JAKMIP1: variants seen among roughly 807,000 people sequenced by gnomAD.
JAKMIP1 encodes the protein janus kinase and microtubule interacting protein 1, also known as janus kinase and microtubule-interacting protein 1.
JAKMIP1 carries 33 observed loss-of-function variants against 113.0 expected under a neutral mutation model. The ratio of observed to expected loss-of-function variants is 0.29; its 90% CI spans 0.22 to 0.39. The LOEUF (loss-of-function observed/expected upper bound fraction) is 0.39. Ranked by LOEUF, JAKMIP1 falls within the 10% of genes least tolerant of loss-of-function variation. The pLI is 1.00. For synonymous variants in JAKMIP1, 480 were observed against 459.9 expected (o/e 1.04, Z -0.56); for missense variants, 813 against 1,080.5 (o/e 0.75, Z 3.47).
At chr4:6,122,115 C>T (rs1439505416) in intron 1 of JAKMIP1, among the ~76,000 whole-genome samples, 8 of 152,142 alleles carry the variant, frequency 5.3e-5, no homozygotes, top group Admixed American at 1.3e-4. Flanking sequence ...GAGGCCGAGG[C>T]GGGCGGATCT....
rs1285707557 is a variant in JAKMIP1, at chr4:6,194,852, G to A, written c.-148+5401C>T. On this transcript the variant is annotated intron_variant, in intron 1 of 20. Coordinates refer to ENST00000409021, the MANE Select transcript of JAKMIP1 (RefSeq NM_001099433.2). This position sits in a 1 kb window ranked among gnomAD's most constrained non-coding sequence, Gnocchi z 7.4. ...CCAGGCCAGTTGGGAGTTTTAGGAT[G>A]TGCAGTGGGTCCTGAGGATGCTTGC... Among the ~76,000 whole-genome samples, 3 of 152,172 alleles carry A rather than the reference G, an allele frequency of 2.0e-5. No homozygotes were observed. The highest frequency in any genetic ancestry group is 4.4e-5 in the Non-Finnish European group (3 of 68,034).
intron 1 of JAKMIP1, among the ~76,000 whole-genome samples, chr4:6,144,124 A>T (rs1246729745): frequency 6.6e-6 from 1 of 152,256 alleles, no homozygotes. Context: ...TATGTTAAAA[A>T]AAAAGTGCAA....
rs1357081696 is a variant in JAKMIP1 at position 6,187,962 on chromosome 4, C to T, written c.-148+12291G>A. Among the ~76,000 whole-genome samples the T allele has an allele frequency of 6.6e-6, 1 of 152,134 alleles. No individual in the cohort carries two copies. The highest frequency in any genetic ancestry group is 2.4e-5 in the African/African-American group (1 of 41,410). The stretch of plus-strand genomic sequence containing the variant: ...CTTTTGCACTAAATGAATCAGACAC[C>T]GTGTTTGCCATGTAAGTCAGGAGCA... On this transcript the variant is annotated intron_variant, in intron 1 of 20. Coordinates refer to ENST00000409021, the MANE Select transcript of JAKMIP1 (RefSeq NM_001099433.2). This position sits in a 1 kb window ranked among gnomAD's most constrained non-coding sequence, Gnocchi z 4.2.
rs571307844 is a variant in JAKMIP1, at chr4:6,056,537, T to C, written c.1707+160A>G. Among the ~76,000 whole-genome samples the C allele has an allele frequency of 3.3e-5, 5 of 152,346 alleles. No homozygotes were observed. In the East Asian group the frequency reaches 7.7e-4, roughly 24 times the overall value. On this transcript the variant is annotated intron_variant, in intron 12 of 20. Coordinates refer to ENST00000409021, the MANE Select transcript of JAKMIP1 (RefSeq NM_001099433.2). ...AACCACAGATGTGGCTTTGATTCCA[T>C]GTGAGGAAGACATCTCTCCTCATGG...
At chr4:6,127,438 C>T (rs1007073342) in intron 1 of JAKMIP1, among the ~76,000 whole-genome samples, 1 of 152,216 alleles carries the variant, frequency 6.6e-6, no homozygotes, top group Non-Finnish European at 1.5e-5. Flanking sequence ...CAGGGGAAGC[C>T]TGTGCCTGAG....
intron 1 of JAKMIP1, among the ~76,000 whole-genome samples, chr4:6,190,543 C>A (rs1727143889): frequency 6.6e-6 from 1 of 152,198 alleles, no homozygotes; most frequent in South Asian, 2.1e-4. Context: ...CACTCCCCAG[C>A]AATGAGGTGG....
intron 1 of JAKMIP1, among the ~76,000 whole-genome samples, chr4:6,114,880 G>GA (rs936857364): frequency 6.6e-6 from 1 of 152,212 alleles, no homozygotes; most frequent in African/African-American, 2.4e-5. Context: ...GGAAGACACA[G>GA]AAAATACAAC....
intron 2 of JAKMIP1, among the ~76,000 whole-genome samples, chr4:6,107,104 C>T (rs1714082468): frequency 6.6e-6 from 1 of 152,186 alleles, no homozygotes; most frequent in Non-Finnish European, 1.5e-5. Flanking sequence ...AGGAATGAAG[C>T]CAGGCGACCA....
At position 6,031,308 on chromosome 4, in the gene JAKMIP1, T is replaced by G. The variant is rs961666001; in HGVS notation, c.2380-1527A>C. Among the ~76,000 whole-genome samples the G allele has an allele frequency of 2.0e-5, 3 of 151,834 alleles. No individual in the cohort carries two copies. The highest frequency in any genetic ancestry group is 7.3e-5 in the African/African-American group (3 of 41,322). Reference sequence around the variant, plus strand: ...AGCCGGGCTTGGTGGTGCGCTCCTGTAGGGAGGCTGAGACAGGAGAATTGC... The same window carrying G: ...AGCCGGGCTTGGTGGTGCGCTCCTGGAGGGAGGCTGAGACAGGAGAATTGC... On this transcript the variant is annotated intron_variant, in intron 19 of 20. Coordinates refer to ENST00000409021, the MANE Select transcript of JAKMIP1 (RefSeq NM_001099433.2). The surrounding 1 kb of genome is among the most constrained non-coding windows in gnomAD (Gnocchi z 4.4).
rs1717114782 is a variant in JAKMIP1, at chr4:6,060,521, G to C, written c.1561-14C>G. 2 of 1,609,920 alleles carry C rather than the reference G, an allele frequency of 1.2e-6. No homozygotes were observed. Among genetic ancestry groups the C allele is most frequent in the African/African-American group, 1.3e-5 (1 of 74,848 alleles). On this transcript the variant is annotated splice_polypyrimidine_tract_variant and intron_variant, in intron 10 of 20. Transcript: ENST00000409021. ...CTGCTCCCGAGTCTGGAAGGGAAAA[G>C]ACCAGGCAGTGAGCAGGTCACCTCC... is the stretch of plus-strand genomic sequence containing the variant.
rs1726664465 is a variant in JAKMIP1, at chr4:6,186,470, C to CA, written c.-148+13782dup. On this transcript the variant is annotated intron_variant, in intron 1 of 20. Coordinates refer to ENST00000409021, the MANE Select transcript of JAKMIP1 (RefSeq NM_001099433.2). This position sits in a 1 kb window ranked among gnomAD's most constrained non-coding sequence, Gnocchi z 5.5. The stretch of plus-strand genomic sequence containing the variant: ...CAAGAACTGAACATCAGCTACAGGC[C>CA]AGGCATGGCTTGATGCTACTGACTT... 6.6e-6 allele frequency among the ~76,000 whole-genome samples: 1 copy of CA among 152,192 alleles called. No individual in the cohort carries two copies. Among genetic ancestry groups the CA allele is most frequent in the African/African-American group, 2.4e-5 (1 of 41,438 alleles).
intron 1 of JAKMIP1, among the ~76,000 whole-genome samples, chr4:6,159,613 A>G (rs1225938203): frequency 1.3e-5 from 2 of 152,242 alleles, no homozygotes; most frequent in Admixed American, 1.3e-4. Context: ...CCTGGTAACT[A>G]AAGAAACAAG....
rs970562870 is a variant in JAKMIP1, at chr4:6,094,323, A to T, written c.625-8694T>A. On this transcript the variant is annotated intron_variant, in intron 3 of 20. Coordinates refer to ENST00000409021, the MANE Select transcript of JAKMIP1 (RefSeq NM_001099433.2). The surrounding 1 kb of genome is among the most constrained non-coding windows in gnomAD (Gnocchi z 4.2). ...TTTCTGGCAAAAAAAGAAAGAAAAC[A>T]CTCTCCTTTATCTCCCAGCTGCCTG... Among the ~76,000 whole-genome samples the T allele has an allele frequency of 5.9e-5, 9 of 151,854 alleles. No individual in the cohort carries two copies. The highest frequency in any genetic ancestry group is 9.7e-5 in the African/African-American group (4 of 41,314).
rs992159024 is a variant in JAKMIP1, at chr4:6,061,934, G to A, written c.1560+378C>T. Among the ~76,000 whole-genome samples the A allele has an allele frequency of 6.6e-6, 1 of 152,194 alleles. No homozygotes were observed. Among genetic ancestry groups the A allele is most frequent in the African/African-American group, 2.4e-5 (1 of 41,446 alleles). On this transcript the variant is annotated intron_variant, in intron 10 of 20. Coordinates refer to ENST00000409021, the MANE Select transcript of JAKMIP1 (RefSeq NM_001099433.2). This position sits in a 1 kb window ranked among gnomAD's most constrained non-coding sequence, Gnocchi z 5.3. ...GAGCACCCTGAGAGTCCCTGCAAGT[G>A]TTCTGGTGGATGTCCTGGAGGGCGG...
Position 6,108,930 on chromosome 4 carries a change from G to A in JAKMIP1, c.130-2963C>T, listed in dbSNP as rs527469548. Reference sequence around the variant, plus strand: ...CAGGTATGCGTACATACGCAGGTCAGTATACACATATATATTCCTTGTTCT... The same window carrying A: ...CAGGTATGCGTACATACGCAGGTCAATATACACATATATATTCCTTGTTCT... On this transcript the variant is annotated intron_variant, in intron 2 of 20. Coordinates refer to ENST00000409021, the MANE Select transcript of JAKMIP1 (RefSeq NM_001099433.2). This position sits in a 1 kb window ranked among gnomAD's most constrained non-coding sequence, Gnocchi z 5.6. Among the ~76,000 whole-genome samples the A allele has an allele frequency of 6.6e-6, 1 of 152,366 alleles. No individual in the cohort carries two copies. Among genetic ancestry groups the A allele is most frequent in the South Asian group, 2.1e-4 (1 of 4,830 alleles).
chr4:6,128,178 A>G (rs1420388727), intron 1 of JAKMIP1, among the ~76,000 whole-genome samples: 1 of 152,210 alleles, frequency 6.6e-6, no homozygotes, highest in Non-Finnish European at 1.5e-5. Context: ...CCAGACGGAC[A>G]TGGATTCACC....
rs533069624 is a variant in JAKMIP1 at position 6,135,337 on chromosome 4, G to A, written c.-147-22340C>T. Among the ~76,000 whole-genome samples, 50 of 152,242 alleles carry A rather than the reference G, an allele frequency of 3.3e-4. No individual in the cohort carries two copies. Among genetic ancestry groups the A allele is most frequent in the African/African-American group, 1.2e-3 (49 of 41,548 alleles). ...CAGACACATAGAAGGAAGACCATGT[G>A]AGGACATGGGGAGAAGACGGCCGTC... On this transcript the variant is annotated intron_variant, in intron 1 of 20. Transcript: ENST00000409021. The surrounding 1 kb of genome is among the most constrained non-coding windows in gnomAD (Gnocchi z 4.9).
chr4:6,046,172 C>T lies in JAKMIP1; in HGVS notation c.2028+2685G>A, dbSNP rs144294772. ...GTCAGTCCCAGGCAAAGCAGACTGT[C>T]AGTCCCCTAGTGGTCCTGCCAGGTT... On this transcript the variant is annotated intron_variant, in intron 16 of 20. Transcript: ENST00000409021. Among the ~76,000 whole-genome samples, 394 of 152,302 alleles carry T rather than the reference C, an allele frequency of 2.6e-3. 1 individual carries two copies. The highest frequency in any genetic ancestry group is 8.3e-3 in the African/African-American group (347 of 41,566).
chr4:6,090,604 C>A (rs777034400), intron 3 of JAKMIP1, among the ~76,000 whole-genome samples: 4 of 152,180 alleles, frequency 2.6e-5, no homozygotes, highest in African/African-American at 4.8e-5. Flanking sequence ...CATCACTGTC[C>A]CATGTTGACC....
Sources: gnomAD v4.1 joint callset for allele counts (sites outside exome capture counted in the v4.1 genomes callset) on GRCh38, gnomAD v4.1.1 for gene constraint, Gnocchi (gnomAD v3.1) non-coding constraint, MANE v1.5 for transcripts, NCBI Gene and HGNC (gene_info 2026-07-23, HGNC 2026-07-21) for gene names.